TENM2: variants seen among roughly 807,000 people sequenced by gnomAD.
TENM2 encodes teneurin transmembrane protein 2.
TENM2 carries 52 observed loss-of-function variants against 245.2 expected under a neutral mutation model. That is an observed-to-expected ratio of 0.21 (90% CI 0.17 to 0.27). The LOEUF (loss-of-function observed/expected upper bound fraction) is 0.27. Among genes scored for constraint, TENM2 ranks in the 10% least tolerant of loss-of-function variants. The pLI, the probability that TENM2 is intolerant of heterozygous loss-of-function variation, is 1.00. For missense variants in TENM2, 3,046 were observed against 3,666.8 expected (o/e 0.83, Z 4.37); for synonymous variants, 1,363 against 1,438.9 (o/e 0.95, Z 1.19).
At chr5:168,242,830 C>T (rs974591900) in intron 25 of TENM2, among the ~76,000 whole-genome samples, 2 of 151,910 alleles carry the variant, frequency 1.3e-5, no homozygotes, top group Non-Finnish European at 2.9e-5. Flanking sequence ...GCACATGCCT[C>T]TAATCCCAAC....
intron 1 of TENM2, among the ~76,000 whole-genome samples, chr5:167,304,544 G>T (rs976130196): frequency 6.6e-6 from 1 of 152,166 alleles, no homozygotes; most frequent in Non-Finnish European, 1.5e-5. Flanking sequence ...TAAAAAGAAG[G>T]CATTGAGCTT....
intron 12 of TENM2, among the ~76,000 whole-genome samples, chr5:168,154,600 G>A (rs1473266719): frequency 6.6e-6 from 1 of 152,198 alleles, no homozygotes; most frequent in Non-Finnish European, 1.5e-5. Context: ...CTGCAGCCAA[G>A]GCTGAGCCTA....
intron 13 of TENM2, among the ~76,000 whole-genome samples, chr5:168,171,106 G>C (rs1451396602): frequency 6.6e-6 from 1 of 152,222 alleles, no homozygotes; most frequent in Non-Finnish European, 1.5e-5. Context: ...GCTCAATGTA[G>C]TCATTCAGTT....
chr5:167,788,894 A>C (rs1256834293), intron 2 of TENM2, among the ~76,000 whole-genome samples: 2 of 152,164 alleles, frequency 1.3e-5, no homozygotes, highest in African/African-American at 4.8e-5. Context: ...TCCTAGATGC[A>C]GGTACTAGGA....
chr5:167,452,962 T>TATATATATTTTAAATATATATATATA (rs1406197551), intron 2 of TENM2, among the ~76,000 whole-genome samples: 1 of 96,786 alleles, frequency 1.0e-5, no homozygotes, highest in African/African-American at 3.6e-5. Context: ...TATATATATA[T>TATATATATTTTAAATATATATATATA]TTAAAAAAAA....
Position 167,711,864 on chromosome 5 carries a change from T to TCTTATTTCAGAGTAA in TENM2, c.503-164103_503-164089dup, listed in dbSNP as rs1281158767. ...CTTCACTCTTCTTTCAGAGTAACAC[T>TCTTATTTCAGAGTAA]CTTATTTCAGAGTAACTTATTTCAG... On this transcript the variant is annotated intron_variant, in intron 2 of 28. Coordinates refer to ENST00000518659, the Ensembl canonical transcript of TENM2. 2.6e-5 allele frequency among the ~76,000 whole-genome samples: 4 copies of TCTTATTTCAGAGTAA among 152,226 alleles called. No individual in the cohort carries two copies. In the East Asian group the frequency reaches 7.7e-4, roughly 29 times the overall value.
chr5:167,673,212 T>C (rs1561659356), intron 2 of TENM2, among the ~76,000 whole-genome samples: 1 of 152,106 alleles, frequency 6.6e-6, no homozygotes, highest in Non-Finnish European at 1.5e-5. Flanking sequence ...TTTAAAATCT[T>C]TCAGGTTTGG....
chr5:168,237,205 A>T (rs1765583941), intron 25 of TENM2, among the ~76,000 whole-genome samples: 1 of 148,106 alleles, frequency 6.8e-6, no homozygotes, highest in Non-Finnish European at 1.5e-5. Context: ...CTAAGTAAAG[A>T]CGGGGTTTCA....
At chr5:167,775,376 T>A (rs1194906821) in intron 2 of TENM2, among the ~76,000 whole-genome samples, 1 of 152,110 alleles carries the variant, frequency 6.6e-6, no homozygotes, top group Non-Finnish European at 1.5e-5. Flanking sequence ...CCATCACAGT[T>A]GGAAAAAAAT....
chr5:167,999,755 T>G (rs1163707884), intron 5 of TENM2, among the ~76,000 whole-genome samples: 1 of 152,208 alleles, frequency 6.6e-6, no homozygotes, highest in Non-Finnish European at 1.5e-5. Flanking sequence ...GAAGTCAGGA[T>G]AGTCGGCCCA....
chr5:168,048,302 G>A (rs1788787899), intron 6 of TENM2, among the ~76,000 whole-genome samples: 1 of 152,176 alleles, frequency 6.6e-6, no homozygotes, highest in Non-Finnish European at 1.5e-5. Context: ...GGCACGCAGT[G>A]AGATATGCTT....
At chr5:167,351,882 A>G (rs1399174245) in intron 1 of TENM2, among the ~76,000 whole-genome samples, 3 of 152,084 alleles carry the variant, frequency 2.0e-5, no homozygotes, top group Non-Finnish European at 4.4e-5. Context: ...ACAATTTCAA[A>G]CCACTGGATG....
intron 2 of TENM2, among the ~76,000 whole-genome samples, chr5:167,563,073 C>T (rs1159571705): frequency 6.6e-6 from 1 of 151,988 alleles, no homozygotes; most frequent in African/African-American, 2.4e-5. Context: ...GGTACTGTAG[C>T]AATGTTGGCT....
chr5:167,482,452 T>A (rs996105641), intron 2 of TENM2, among the ~76,000 whole-genome samples: 4 of 152,162 alleles, frequency 2.6e-5, no homozygotes, highest in African/African-American at 9.7e-5. Flanking sequence ...ATAATATTAT[T>A]TAAAAAAATT....
intron 2 of TENM2, among the ~76,000 whole-genome samples, chr5:167,726,407 G>C (rs143619016): frequency 1.3e-5 from 2 of 152,244 alleles, no homozygotes; most frequent in African/African-American, 4.8e-5. Flanking sequence ...TTTTGCATGT[G>C]AATAGGCGAG....
chr5:167,659,053 CA>C (rs1311948851), intron 2 of TENM2, among the ~76,000 whole-genome samples: 2 of 152,158 alleles, frequency 1.3e-5, no homozygotes, highest in Non-Finnish European at 2.9e-5. Flanking sequence ...TGTTCCTATT[CA>C]AATTTGGTTG....
chr5:168,204,589 C>T (rs1282992375), exon 19 of TENM2: 2 of 1,613,914 alleles, frequency 1.2e-6, no homozygotes, highest in Admixed American at 1.7e-5. Context: ...GCATCTTTCC[C>T]TCTCGAAATG....
At chr5:167,366,278 T>C (rs993715818) in intron 1 of TENM2, among the ~76,000 whole-genome samples, 1 of 152,112 alleles carries the variant, frequency 6.6e-6, no homozygotes, top group Non-Finnish European at 1.5e-5. Context: ...AAAGCATAAA[T>C]GAAATGGGCA....
rs34656951 is a variant in TENM2 at position 167,449,050 on chromosome 5, T to TAA, written c.502+73588_502+73589dup. 4.9e-3 allele frequency among the ~76,000 whole-genome samples: 717 copies of TAA among 146,808 alleles called. 7 individuals carry two copies. The highest frequency in any genetic ancestry group is 0.016 in the African/African-American group (650 of 40,160). On this transcript the variant is annotated intron_variant, in intron 2 of 28. Coordinates refer to ENST00000518659, the Ensembl canonical transcript of TENM2. ...TTTATTTGTTTCTAAATGTTGACAGTAAAAAAAAAAAATTGGTATGCAAAA... is the reference window on the plus strand; with the variant it reads ...TTTATTTGTTTCTAAATGTTGACAGTAAAAAAAAAAAAAATTGGTATGCAAAA...
Sources: gnomAD v4.1 joint callset for allele counts (sites outside exome capture counted in the v4.1 genomes callset) on GRCh38, gnomAD v4.1.1 for gene constraint, MANE v1.5 for transcripts, NCBI Gene and HGNC (gene_info 2026-07-23, HGNC 2026-07-21) for gene names.